Variants in CRCP observed in about 807,000 individuals in gnomAD.
CRCP encodes DNA-directed RNA polymerase III subunit RPC9.
Under a neutral mutation model 18.5 loss-of-function variants are expected in CRCP, and 18 were observed. The ratio of observed to expected loss-of-function variants is 0.97; its 90% CI spans 0.67 to 1.44. CRCP has a LOEUF of 1.44. CRCP is among the 40% of genes most tolerant of loss of function. CRCP has a pLI of 0.00. For synonymous variants in CRCP, 53 were observed against 62.9 expected (o/e 0.84, Z 0.75); for missense variants, 130 against 176.4 (o/e 0.74, Z 1.49).
chr7:66,118,442 A>G (rs1359121644), intron 1 of CRCP, among the ~76,000 whole-genome samples: 1 of 152,248 alleles, frequency 6.6e-6, no homozygotes, highest in African/African-American at 2.4e-5. Context: ...GGTGGGGACC[A>G]GTGTCTGTTC....
rs1788262838 is a variant in CRCP, at chr7:66,145,349, A to G, written c.240-94A>G. On this transcript the variant is annotated intron_variant, in intron 4 of 5. Transcript: ENST00000395326. ...AGGGCCACACTCCAGTGGTTCTCCC[A>G]TTTTTTATCTGGCAAATTATTCTCT... is the stretch of plus-strand genomic sequence containing the variant. The G allele has an allele frequency of 1.1e-5, 15 of 1,353,498 alleles. No individual in the cohort carries two copies. In the East Asian group the frequency reaches 2.1e-4, roughly 19 times the overall value. The allele number at this position is 1,353,498 out of a possible 1,614,324, so 83.8% of individuals were successfully genotyped here.
chr7:66,141,475 G>C (rs1272731174), intron 4 of CRCP, among the ~76,000 whole-genome samples: 2 of 152,158 alleles, frequency 1.3e-5, no homozygotes, highest in East Asian at 3.8e-4. Context: ...TGGTAGCTGA[G>C]ATTTTGAGGC....
At chr7:66,126,008 C>T (rs765021055) in intron 1 of CRCP, among the ~76,000 whole-genome samples, 1 of 149,576 alleles carries the variant, frequency 6.7e-6, no homozygotes, top group Admixed American at 6.7e-5. Flanking sequence ...TGAACTCTGT[C>T]ACATGCACTA....
chr7:66,138,314 A>C lies in CRCP; in HGVS notation c.239+3940A>C, dbSNP rs569455538. Among the ~76,000 whole-genome samples the C allele has an allele frequency of 1.7e-4, 26 of 152,216 alleles. No individual in the cohort carries two copies. The South Asian group carries it at 5.4e-3, about 32-fold the overall frequency. On this transcript the variant is annotated intron_variant, in intron 4 of 5. Coordinates refer to ENST00000395326, the MANE Select transcript of CRCP (RefSeq NM_014478.5). Reference sequence around the variant, plus strand: ...AGCACTTTGGGAGGCTGAGGCGGGAAGATCACTTGAGGCCAGGAGTTTGAG... The same window carrying C: ...AGCACTTTGGGAGGCTGAGGCGGGACGATCACTTGAGGCCAGGAGTTTGAG...
chr7:66,148,090 G>A (rs932609833), intron 5 of CRCP, among the ~76,000 whole-genome samples: 1 of 151,948 alleles, frequency 6.6e-6, no homozygotes, highest in Non-Finnish European at 1.5e-5. Context: ...GGCTGGGCAC[G>A]GTGGCTCACG....
chr7:66,132,911 A>G (rs948381908), intron 3 of CRCP, among the ~76,000 whole-genome samples: 2 of 150,294 alleles, frequency 1.3e-5, no homozygotes, highest in African/African-American at 2.5e-5. Context: ...ACTCTGTCTC[A>G]AATAAATAAA....
At chr7:66,122,989 C>G (rs1308684902) in intron 1 of CRCP, among the ~76,000 whole-genome samples, 2 of 145,364 alleles carry the variant, frequency 1.4e-5, no homozygotes, top group South Asian at 4.3e-4. Context: ...GAGTCTCGCT[C>G]TGTCGCCCAG....
intron 1 of CRCP, among the ~76,000 whole-genome samples, chr7:66,115,822 T>C (rs1436572276): frequency 6.6e-6 from 1 of 152,236 alleles, no homozygotes; most frequent in Non-Finnish European, 1.5e-5. Flanking sequence ...AATTGTTTTT[T>C]CTTAAGAAAC....
Position 66,124,044 on chromosome 7 carries a change from C to CAAA in CRCP, c.9-3626_9-3624dup, listed in dbSNP as rs57502731. Among the ~76,000 whole-genome samples, 6 of 13,526 alleles carry CAAA rather than the reference C, an allele frequency of 4.4e-4. 2 individuals are homozygous for CAAA. The highest frequency in any genetic ancestry group is 3.1e-3 in the Admixed American group (2 of 642). 8.9% of individuals were successfully genotyped at this position (13,526 alleles called of 152,430 possible). A position where few individuals can be genotyped will look rare whatever the true frequency, so the allele number is the denominator to read the frequency against. On this transcript the variant is annotated intron_variant, in intron 1 of 5. Coordinates refer to ENST00000395326, the MANE Select transcript of CRCP (RefSeq NM_014478.5). The stretch of plus-strand genomic sequence containing the variant: ...TGGGTGACAGAGTGAGACTCCGTCT[C>CAAA]AAAAAAAAAAAAAAAAAAAAAAAAA...
chr7:66,134,544 T>TC, intron 4 of CRCP, 170 bp downstream of exon 4: 1 of 336,360 alleles, frequency 3.0e-6, no homozygotes, highest in East Asian at 5.2e-5. Flanking sequence ...AAGGAACAAA[T>TC]CTTTTTTTTT....
intron 1 of CRCP, among the ~76,000 whole-genome samples, chr7:66,121,674 G>T (rs1787446406): frequency 6.6e-6 from 1 of 152,042 alleles, no homozygotes. Flanking sequence ...TTGCTATTTG[G>T]CTTTGTCTAT....
chr7:66,132,444 T>C (rs1265593207), intron 3 of CRCP, among the ~76,000 whole-genome samples: 5 of 152,220 alleles, frequency 3.3e-5, no homozygotes, highest in Non-Finnish European at 7.3e-5. Flanking sequence ...ACAAAACCTA[T>C]GGCTTTTGAG....
intron 5 of CRCP, chr7:66,150,541 T>G (rs1788427591): frequency 6.6e-6 from 1 of 151,952 alleles, no homozygotes; most frequent in Non-Finnish European, 1.5e-5. Context: ...ACTTTTGGGC[T>G]GAAGTGAGTG....
chr7:66,124,597 T>C (rs1787564309), intron 1 of CRCP, among the ~76,000 whole-genome samples: 1 of 148,998 alleles, frequency 6.7e-6, no homozygotes, highest in Non-Finnish European at 1.5e-5. Context: ...GAGCCCAGGC[T>C]GGATTCAAAC....
chr7:66,133,539 C>T (rs1787874723), intron 3 of CRCP, among the ~76,000 whole-genome samples: 2 of 135,746 alleles, frequency 1.5e-5, no homozygotes, highest in Non-Finnish European at 3.1e-5. Flanking sequence ...GAGACTCCGT[C>T]TCAAAAAAAA....
At chr7:66,151,613 G>T (rs1433704305) in intron 5 of CRCP, among the ~76,000 whole-genome samples, 1 of 148,242 alleles carries the variant, frequency 6.7e-6, no homozygotes, top group Non-Finnish European at 1.5e-5. Flanking sequence ...AAATATAAAA[G>T]TACATAAAGT....
rs368595248 is a variant in CRCP, at chr7:66,126,793, A to G, written c.9-911A>G. The stretch of plus-strand genomic sequence containing the variant: ...TGTTGGTGCTTATTGAGCACTTACT[A>G]TGTTCCAAGTACTTTACATGTTTCC... On this transcript the variant is annotated intron_variant, in intron 1 of 5. Transcript: ENST00000395326. 9 of 306,590 alleles carry G rather than the reference A, an allele frequency of 2.9e-5. 1 individual carries two copies. Among genetic ancestry groups the G allele is most frequent in the African/African-American group, 6.6e-5 (3 of 45,362 alleles). The allele number at this position is 306,590 out of a possible 1,614,324, so 19.0% of individuals were successfully genotyped here. A position where few individuals can be genotyped will look rare whatever the true frequency, so the allele number is the denominator to read the frequency against.
At chr7:66,123,189 C>T (rs1358938990) in intron 1 of CRCP, among the ~76,000 whole-genome samples, 1 of 151,996 alleles carries the variant, frequency 6.6e-6, no homozygotes, top group Non-Finnish European at 1.5e-5. Flanking sequence ...CTCCTGATCT[C>T]GTGATGCGCC....
chr7:66,135,503 C>T (rs1468141820), intron 4 of CRCP, among the ~76,000 whole-genome samples: 1 of 152,000 alleles, frequency 6.6e-6, no homozygotes, highest in Non-Finnish European at 1.5e-5. Flanking sequence ...TTTCTTCCTT[C>T]TTTTTTTATT....
Sources: allele counts gnomAD v4.1 joint callset (sites outside exome capture counted in the v4.1 genomes callset), GRCh38; gene constraint gnomAD v4.1.1; transcripts MANE v1.5; gene names NCBI Gene and HGNC (gene_info 2026-07-23, HGNC 2026-07-21).